DLG2: variants seen among roughly 807,000 people sequenced by gnomAD.
DLG2 encodes disks large homolog 2.
A neutral mutation model predicts 132.5 loss-of-function variants in DLG2; 45 were observed. The ratio of observed to expected loss-of-function variants is 0.34; its 90% CI spans 0.27 to 0.44. The LOEUF is 0.44. DLG2 is among the 20% of genes least tolerant of loss of function. The pLI, the probability that DLG2 is intolerant of heterozygous loss-of-function variation, is 1.00. For synonymous variants in DLG2, 424 were observed against 419.6 expected, an observed-to-expected ratio of 1.01 and a Z score of -0.13; for missense variants, 1,045 against 1,196.9, an observed-to-expected ratio of 0.87 and a Z score of 1.87.
At chr11:83,891,149 A>G (rs1474745698) in intron 15 of DLG2, among the ~76,000 whole-genome samples, 2 of 152,208 alleles carry the variant, frequency 1.3e-5, no homozygotes, top group Non-Finnish European at 1.5e-5. Flanking sequence ...ATAGGTTCAT[A>G]TGAAGCCATG....
chr11:84,231,069 G>A (rs981904439), intron 8 of DLG2, among the ~76,000 whole-genome samples: 1 of 152,082 alleles, frequency 6.6e-6, no homozygotes, highest in African/African-American at 2.4e-5. Context: ...GTATAGACAC[G>A]GGATTGTCTT....
At chr11:85,155,726 C>A (rs2077542573) in intron 4 of DLG2, among the ~76,000 whole-genome samples, 1 of 151,910 alleles carries the variant, frequency 6.6e-6, no homozygotes, top group Non-Finnish European at 1.5e-5. Flanking sequence ...AAAAATTAGC[C>A]AGGTGTGGTG....
chr11:83,876,544 A>G (rs1480754951), intron 15 of DLG2, among the ~76,000 whole-genome samples: 1 of 152,148 alleles, frequency 6.6e-6, no homozygotes, highest in Non-Finnish European at 1.5e-5. Flanking sequence ...ATATTCACCT[A>G]TACTCCTATT....
chr11:83,632,224 A>C (rs2153457975), intron 19 of DLG2: 1 of 152,340 alleles, frequency 6.6e-6, no homozygotes, highest in South Asian at 2.1e-4. Flanking sequence ...TTAACTTTAG[A>C]GCCAAAGTGG....
intron 7 of DLG2, among the ~76,000 whole-genome samples, chr11:84,293,144 G>A (rs776383957): frequency 1.6e-4 from 25 of 151,948 alleles, no homozygotes; most frequent in East Asian, 5.8e-4. Flanking sequence ...TGTGTGTGTC[G>A]GGTGTGGGGG....
At chr11:85,572,912 T>A (rs1415986807) in intron 3 of DLG2, among the ~76,000 whole-genome samples, 1 of 152,234 alleles carries the variant, frequency 6.6e-6, no homozygotes, top group Admixed American at 6.5e-5. Context: ...AGGTAGGGAC[T>A]GATGGAAGGT....
At chr11:85,280,276 C>T (rs1344483147) in intron 4 of DLG2, among the ~76,000 whole-genome samples, 5 of 151,980 alleles carry the variant, frequency 3.3e-5, no homozygotes, top group Admixed American at 3.3e-4. Context: ...AGGAATTGTA[C>T]TCAGCACTTT....
intron 7 of DLG2, among the ~76,000 whole-genome samples, chr11:84,391,252 T>C (rs1193648934): frequency 6.6e-6 from 1 of 152,170 alleles, no homozygotes; most frequent in African/African-American, 2.4e-5. Flanking sequence ...CGATATATTA[T>C]TAAGTGACAA....
In DLG2 at chr11:83,930,372, A is replaced by G. The variant is rs756179723; in HGVS notation, c.1452T>C (p.Tyr484=). Residue 484 remains tyrosine (Y), a synonymous_variant, in exon 15 of 28, where the codon TAT becomes TAC. Coordinates refer to ENST00000376104, the MANE Select transcript of DLG2 (RefSeq NM_001142699.3). ...GTAGCAGGCCTAGGTGGTAGTGGGA[A>G]TAGGGAGCTGAGAGGAGGAAGCTTT... ...CDKSFLLSAP[Y]SHYHLGLLPD... is the part of the protein sequence containing the mutation. 15 of 1,613,928 alleles carry G rather than the reference A, an allele frequency of 9.3e-6. No individual in the cohort carries two copies. Among genetic ancestry groups the G allele is most frequent in the Non-Finnish European group, 1.2e-5 (14 of 1,179,936 alleles).
intron 5 of DLG2, among the ~76,000 whole-genome samples, chr11:85,122,972 T>TATATATATATATATA (rs58442462): frequency 1.3e-4 from 9 of 67,234 alleles, no homozygotes; most frequent in East Asian, 4.9e-4. Context: ...TATATATATT[T>TATATATATATATATA]TTTTTTTTTT....
chr11:84,442,339 T>G (rs1472462154), intron 7 of DLG2, among the ~76,000 whole-genome samples: 3 of 152,066 alleles, frequency 2.0e-5, no homozygotes, highest in Non-Finnish European at 4.4e-5. Context: ...TTATACACCA[T>G]AGAATACTAT....
intron 6 of DLG2, among the ~76,000 whole-genome samples, chr11:84,944,538 A>G (rs1415665672): frequency 4.0e-5 from 6 of 151,282 alleles, no homozygotes; most frequent in Non-Finnish European, 7.4e-5. Context: ...ATTGTTCAAT[A>G]TATCAATTGA....
intron 6 of DLG2, among the ~76,000 whole-genome samples, chr11:85,037,813 C>T (rs1384721819): frequency 2.6e-5 from 4 of 152,110 alleles, no homozygotes; most frequent in African/African-American, 7.2e-5. Flanking sequence ...AAATAAGACA[C>T]ATTTACCTTA....
intron 4 of DLG2, among the ~76,000 whole-genome samples, chr11:85,230,304 G>T (rs1008405413): frequency 3.3e-5 from 5 of 151,452 alleles, no homozygotes; most frequent in Non-Finnish European, 7.4e-5. Flanking sequence ...ACAATTTTTG[G>T]TGATTTTTAT....
At chr11:84,351,407 C>T (rs1056318713) in intron 7 of DLG2, among the ~76,000 whole-genome samples, 1 of 151,990 alleles carries the variant, frequency 6.6e-6, no homozygotes, top group Non-Finnish European at 1.5e-5. Context: ...TTAAAATCCT[C>T]CTCAAATAAG....
intron 3 of DLG2, among the ~76,000 whole-genome samples, chr11:85,456,798 G>A (rs2092438267): frequency 6.6e-6 from 1 of 152,008 alleles, no homozygotes; most frequent in Non-Finnish European, 1.5e-5. Flanking sequence ...CTTGGTATTG[G>A]TTTCTATTTT....
intron 8 of DLG2, among the ~76,000 whole-genome samples, chr11:84,179,770 G>T (rs963696380): frequency 1.3e-5 from 2 of 151,996 alleles, no homozygotes; most frequent in African/African-American, 4.8e-5. Flanking sequence ...ACATAACTGG[G>T]GAAAGGGAAA....
chr11:84,859,664 T>G (rs2083348698), intron 6 of DLG2, among the ~76,000 whole-genome samples: 1 of 151,894 alleles, frequency 6.6e-6, no homozygotes, highest in South Asian at 2.1e-4. Flanking sequence ...AGCCACTATT[T>G]TCCTCTTTTT....
intron 6 of DLG2, chr11:84,762,025 G>A (rs575536564): frequency 6.6e-6 from 1 of 152,038 alleles, no homozygotes; most frequent in Non-Finnish European, 1.5e-5. Context: ...TATAAAAAAT[G>A]TATTTTGGCT....
Sources: gnomAD v4.1 joint callset for allele counts (sites outside exome capture counted in the v4.1 genomes callset) on GRCh38, gnomAD v4.1.1 for gene constraint, MANE v1.5 for transcripts, NCBI Gene and HGNC (gene_info 2026-07-23, HGNC 2026-07-21) for gene names.